The following DOP1B variants were observed in gnomAD, a reference collection of about 807,000 sequenced individuals.
The protein encoded by DOP1B is protein DOP1B.
Under a neutral mutation model 233.5 loss-of-function variants are expected in DOP1B, and 174 were observed. The ratio of observed to expected loss-of-function variants is 0.75; its 90% CI spans 0.66 to 0.85. The LOEUF is 0.85. DOP1B is among the 40% of genes least tolerant of loss of function. The pLI, the probability that DOP1B is intolerant of heterozygous loss-of-function variation, is 0.00. For missense variants in DOP1B, 2,652 were observed against 2,846.6 expected, an observed-to-expected ratio of 0.93 and a Z score of 1.56; for synonymous variants, 1,190 against 1,185.6, an observed-to-expected ratio of 1.00 and a Z score of -0.08.
intron 24 of DOP1B, among the ~76,000 whole-genome samples, chr21:36,263,139 C>T (rs2123642648): frequency 6.8e-6 from 1 of 147,152 alleles, no homozygotes; most frequent in Admixed American, 7.0e-5. Context: ...GAGGCTGAGG[C>T]AGGAGAATCG....
chr21:36,193,136 A>C (rs1415908273), intron 2 of DOP1B, among the ~76,000 whole-genome samples: 1 of 152,224 alleles, frequency 6.6e-6, no homozygotes, highest in Non-Finnish European at 1.5e-5. Flanking sequence ...GGGGTGAATA[A>C]GTAATATCTT....
At chr21:36,204,580 A>G (rs1238440983) in intron 4 of DOP1B, among the ~76,000 whole-genome samples, 1 of 151,776 alleles carries the variant, frequency 6.6e-6, no homozygotes, top group Non-Finnish European at 1.5e-5. Flanking sequence ...ACCTCCAAGG[A>G]TAAAACGATC....
chr21:36,234,590 G>T (rs542467411), intron 15 of DOP1B, among the ~76,000 whole-genome samples: 1 of 149,400 alleles, frequency 6.7e-6, no homozygotes, highest in African/African-American at 2.5e-5. Flanking sequence ...TTGCTCTGTT[G>T]CCCAGGCTGG....
chr21:36,292,872 C>T (rs1013682615), intron 36 of DOP1B, among the ~76,000 whole-genome samples: 3 of 152,044 alleles, frequency 2.0e-5, no homozygotes, highest in African/African-American at 7.2e-5. Context: ...CTTCAGCCTC[C>T]CAAAGTGTTG....
intron 21 of DOP1B, among the ~76,000 whole-genome samples, chr21:36,250,908 C>T (rs2067025176): frequency 6.6e-6 from 1 of 152,234 alleles, no homozygotes; most frequent in South Asian, 2.1e-4. Flanking sequence ...CCATCCGTCT[C>T]TCCACCTTGG....
chr21:36,193,639 C>T (rs970463490), intron 2 of DOP1B, among the ~76,000 whole-genome samples: 4 of 152,160 alleles, frequency 2.6e-5, no homozygotes, highest in African/African-American at 7.2e-5. Flanking sequence ...TTAGTATCCA[C>T]CAGAGAAGTT....
At chr21:36,191,512 G>A (rs1259357699) in intron 2 of DOP1B, among the ~76,000 whole-genome samples, 1 of 152,118 alleles carries the variant, frequency 6.6e-6, no homozygotes, top group East Asian at 1.9e-4. Context: ...TAGGCTGGGC[G>A]AGGTGGCTCA....
At chr21:36,261,619 T>C (rs955477384) in intron 24 of DOP1B, 8 of 984,468 alleles carry the variant, frequency 8.1e-6, no homozygotes, top group Non-Finnish European at 9.6e-6. Context: ...AAAATGAGGG[T>C]GAGGTGGCTG....
At position 36,243,559 on chromosome 21, in the gene DOP1B, G is replaced by T. The variant is rs559641470; in HGVS notation, c.3068-1489G>T. ...TTGTAATGCTAGTTGATAGAACTAG[G>T]GATTGTTAATGGCTTGCAGGTAGTC... On this transcript the variant is annotated intron_variant, in intron 18 of 36. Transcript: ENST00000691173. Among the ~76,000 whole-genome samples, 3 of 151,912 alleles carry T rather than the reference G, an allele frequency of 2.0e-5. No individual in the cohort carries two copies. In the South Asian group the frequency reaches 6.2e-4, roughly 32 times the overall value.
intron 2 of DOP1B, among the ~76,000 whole-genome samples, chr21:36,175,300 G>A (rs957272216): frequency 2.0e-5 from 3 of 151,878 alleles, no homozygotes; most frequent in African/African-American, 2.4e-5. Flanking sequence ...TAGTAGAGAT[G>A]TGGTTTCACC....
chr21:36,230,763 C>G lies in DOP1B; in HGVS notation c.1979C>G (p.Ala660Gly). Reference sequence around the variant, plus strand: ...GAAGAAAGCAAGTCCGAGGAGCCTGCAGGGAAGAGGGACAGGGATGGGACG... The same window carrying G: ...GAAGAAAGCAAGTCCGAGGAGCCTGGAGGGAAGAGGGACAGGGATGGGACG... The part of the protein sequence containing the change: ...SGEESKSEEP[A>G]GKRDRDGTQS... The change falls in exon 14 of 37, where the codon GCA becomes GGA. Residue 660 changes from alanine to glycine, a missense_variant. Ala to Gly is a moderately conservative substitution (Grantham distance 60). Coordinates refer to ENST00000691173, the MANE Select transcript of DOP1B (RefSeq NM_001320714.2). 6.2e-7 allele frequency: 1 copy of G among 1,614,160 alleles called. No homozygotes were observed. The highest frequency in any genetic ancestry group is 1.1e-5 in the South Asian group (1 of 91,074).
At chr21:36,264,647 A>G (rs1054353774) in intron 26 of DOP1B, among the ~76,000 whole-genome samples, 4 of 151,698 alleles carry the variant, frequency 2.6e-5, no homozygotes, top group African/African-American at 9.7e-5. Flanking sequence ...AATTTTTTGT[A>G]TTTTTAGTAG....
chr21:36,162,769 A>G (rs1258476451), intron 1 of DOP1B, among the ~76,000 whole-genome samples: 1 of 151,980 alleles, frequency 6.6e-6, no homozygotes, highest in Non-Finnish European at 1.5e-5. Context: ...GGTCTCAAAC[A>G]TCTGACCTCA....
chr21:36,179,674 T>C (rs1472466624), intron 2 of DOP1B, among the ~76,000 whole-genome samples: 1 of 152,110 alleles, frequency 6.6e-6, no homozygotes, highest in Non-Finnish European at 1.5e-5. Context: ...GAAAAATGCT[T>C]ATTATAAATA....
At position 36,191,981 on chromosome 21, in the gene DOP1B, C is replaced by T. The variant is rs1288264257; in HGVS notation, c.139-7089C>T. ...TATTGTGTATCCTGCCATCCATCTCCAGAACCTTTTCATCCTCCCAAACAG... is the reference window on the plus strand; with the variant it reads ...TATTGTGTATCCTGCCATCCATCTCTAGAACCTTTTCATCCTCCCAAACAG... On this transcript the variant is annotated intron_variant, in intron 2 of 36. Coordinates refer to ENST00000691173, the MANE Select transcript of DOP1B (RefSeq NM_001320714.2). 2.0e-5 allele frequency among the ~76,000 whole-genome samples: 3 copies of T among 152,148 alleles called. No individual in the cohort carries two copies. In the East Asian group the frequency reaches 5.8e-4, roughly 29 times the overall value.
intron 2 of DOP1B, among the ~76,000 whole-genome samples, chr21:36,193,999 C>T (rs922934947): frequency 6.6e-6 from 1 of 152,178 alleles, no homozygotes; most frequent in African/African-American, 2.4e-5. Context: ...GTATCACAGT[C>T]CTCATTTTTA....
chr21:36,220,679 T>TTC (rs2123516478), intron 10 of DOP1B, among the ~76,000 whole-genome samples: 1 of 151,474 alleles, frequency 6.6e-6, no homozygotes, highest in East Asian at 1.9e-4. Flanking sequence ...TTTTTTTTTT[T>TTC]TTTTTTGTGG....
At chr21:36,227,497 A>G (rs113172020) in intron 12 of DOP1B, among the ~76,000 whole-genome samples, 189 bp from the exon 13 acceptor site, 9 of 152,028 alleles carry the variant, frequency 5.9e-5, no homozygotes, top group Non-Finnish European at 8.8e-5. Context: ...CAGTGAGCCG[A>G]GATCGCGACA....
intron 23 of DOP1B, among the ~76,000 whole-genome samples, chr21:36,260,464 G>T (rs2067157610): frequency 6.6e-6 from 1 of 152,158 alleles, no homozygotes; most frequent in African/African-American, 2.4e-5. Flanking sequence ...CACTGTAGAA[G>T]TCTAAGGGGA....
Sources: gnomAD v4.1 joint callset for allele counts (sites outside exome capture counted in the v4.1 genomes callset) on GRCh38, gnomAD v4.1.1 for gene constraint, MANE v1.5 for transcripts, NCBI Gene and HGNC (gene_info 2026-07-23, HGNC 2026-07-21) for gene names.